Variants in GAREM1 observed in about 807,000 individuals in gnomAD.
GAREM1 encodes GRB2 associated regulator of MAPK1 subtype 1, also known as GRB2-associated and regulator of MAPK protein 1.
Under a neutral mutation model 71.3 loss-of-function variants are expected in GAREM1, and 26 were observed. That is an observed-to-expected ratio of 0.36 (90% CI 0.27 to 0.51). The LOEUF (loss-of-function observed/expected upper bound fraction) is 0.51. Among genes scored for constraint, GAREM1 ranks in the 20% least tolerant of loss-of-function variants. GAREM1 has a pLI of 0.95. For missense variants in GAREM1, 1,026 were observed against 1,103.1 expected (o/e 0.93, Z 0.99); for synonymous variants, 440 against 433.2 (o/e 1.02, Z -0.20).
intron 1 of GAREM1, among the ~76,000 whole-genome samples, chr18:32,468,240 A>G (rs1483992369): frequency 6.6e-6 from 1 of 152,218 alleles, no homozygotes; most frequent in Non-Finnish European, 1.5e-5. Flanking sequence ...CACAATTTTT[A>G]ATAGCACAAA....
At chr18:32,332,547 G>A (rs770501835) in intron 2 of GAREM1, among the ~76,000 whole-genome samples, 3 of 152,144 alleles carry the variant, frequency 2.0e-5, no homozygotes, top group Non-Finnish European at 4.4e-5. Flanking sequence ...GGAACTGTAA[G>A]TGCAGCGTGG....
intron 1 of GAREM1, among the ~76,000 whole-genome samples, chr18:32,426,804 C>T (rs1274219955): frequency 6.6e-6 from 1 of 152,188 alleles, no homozygotes; most frequent in East Asian, 1.9e-4. Context: ...ACTGTTTTAA[C>T]AATTTTCCTC....
chr18:32,470,136 G>C lies in GAREM1; in HGVS notation c.121+172C>G, dbSNP rs1481404436. 1.3e-5 allele frequency among the ~76,000 whole-genome samples: 2 copies of C among 152,086 alleles called. No individual in the cohort carries two copies. The highest frequency in any genetic ancestry group is 6.5e-5 in the Admixed American group (1 of 15,270). On this transcript the variant is annotated intron_variant, in intron 1 of 5. Transcript: ENST00000269209. The surrounding 1 kb of genome is among the most constrained non-coding windows in gnomAD (Gnocchi z 4.4). ...ATTTCCACCTCCTTGTCTGCTGCTG[G>C]GGGGAGTTGAGAGCAACGCGCCAGG...
chr18:32,434,390 C>T (rs1267784802), intron 1 of GAREM1, among the ~76,000 whole-genome samples: 1 of 151,962 alleles, frequency 6.6e-6, no homozygotes, highest in Admixed American at 6.6e-5. Flanking sequence ...CACAAGTACC[C>T]GGATCTTTAA....
chr18:32,308,596 C>G (rs930706036), intron 3 of GAREM1, among the ~76,000 whole-genome samples: 3 of 149,310 alleles, frequency 2.0e-5, no homozygotes, highest in African/African-American at 5.0e-5. Context: ...TATCAAAACA[C>G]TAATGGAATA....
Position 32,268,105 on chromosome 18 carries a change from A to C in GAREM1, c.2397T>G (p.Gly799=). Residue 799 remains glycine (G), a synonymous_variant, in exon 6 of 6, where the codon GGT becomes GGG. Coordinates refer to ENST00000269209, the MANE Select transcript of GAREM1 (RefSeq NM_001242409.2). ...GGTCAGCAGGTGGCTGCCATGGGGA[A>C]CCGTCGCCACAGGATCTGGGGGCCA... ...LQLAPRSCGD[G]SPWQPPADLS... 1 of 1,614,076 alleles carries C rather than the reference A, an allele frequency of 6.2e-7. No homozygotes were observed. Among genetic ancestry groups the C allele is most frequent in the Non-Finnish European group, 8.5e-7 (1 of 1,180,004 alleles).
chr18:32,311,587 A>C (rs146378178), intron 2 of GAREM1, among the ~76,000 whole-genome samples: 93 of 152,216 alleles, frequency 6.1e-4, no homozygotes, highest in African/African-American at 2.2e-3. Context: ...TGAGATGGTG[A>C]CCTTTGGTGT....
In GAREM1 at chr18:32,422,945, C is replaced by G. The variant is rs1251041959; in HGVS notation, c.122-29910G>C. Among the ~76,000 whole-genome samples the G allele has an allele frequency of 5.9e-5, 9 of 152,326 alleles. 1 individual carries two copies. In the South Asian group the frequency reaches 1.7e-3, roughly 28 times the overall value. On this transcript the variant is annotated intron_variant, in intron 1 of 5. Coordinates refer to ENST00000269209, the MANE Select transcript of GAREM1 (RefSeq NM_001242409.2). ...CGACAGCAAGACTAGAACTCGGCCT[C>G]CTGCTTCTTGGTCTCAAACATTATA...
intron 1 of GAREM1, among the ~76,000 whole-genome samples, chr18:32,414,703 C>A (rs927682491): frequency 6.6e-6 from 1 of 151,746 alleles, no homozygotes; most frequent in South Asian, 2.1e-4. Flanking sequence ...CTAAAACCTA[C>A]GGGATACAGC....
chr18:32,420,211 C>T (rs1568004580), intron 1 of GAREM1, among the ~76,000 whole-genome samples: 1 of 152,104 alleles, frequency 6.6e-6, no homozygotes, highest in Non-Finnish European at 1.5e-5. Flanking sequence ...AAAATTATTA[C>T]TCTATCTGTC....
chr18:32,410,960 G>A (rs534681090), intron 1 of GAREM1, among the ~76,000 whole-genome samples: 3 of 152,162 alleles, frequency 2.0e-5, no homozygotes, highest in Non-Finnish European at 4.4e-5. Flanking sequence ...GTGCCACCAC[G>A]CCCAGCTAAT....
intron 2 of GAREM1, among the ~76,000 whole-genome samples, chr18:32,363,995 C>CATATATATAGATATAT (rs2047893546): frequency 4.7e-5 from 1 of 21,330 alleles, no homozygotes; most frequent in Non-Finnish European, 8.5e-5. Flanking sequence ...TACATATATA[C>CATATATATAGATATAT]ATATATATAT....
At chr18:32,387,297 G>C (rs375403094) in intron 2 of GAREM1, among the ~76,000 whole-genome samples, 15 of 152,180 alleles carry the variant, frequency 9.9e-5, no homozygotes, top group African/African-American at 3.6e-4. Context: ...ATAAGTCAGG[G>C]TAAAAGAGTG....
Position 32,267,195 on chromosome 18 carries a change from T to G in GAREM1, c.*676A>C, listed in dbSNP as rs1235468302. The G allele has an allele frequency of 6.6e-6, 1 of 152,212 alleles. No individual in the cohort carries two copies. Among genetic ancestry groups the G allele is most frequent in the Non-Finnish European group, 1.5e-5 (1 of 68,030 alleles). The allele number at this position is 152,212 out of a possible 1,614,324, so 9.4% of individuals were successfully genotyped here. A position where few individuals can be genotyped will look rare whatever the true frequency, so the allele number is the denominator to read the frequency against. On this transcript the variant is annotated 3_prime_UTR_variant, in exon 6 of 6. Transcript: ENST00000269209. ...GTGTATGCACCTATACATGTTTATA[T>G]ATGTATATTCTTTTTTCTCTGCTCA...
chr18:32,431,403 G>A (rs1264622706), intron 1 of GAREM1, among the ~76,000 whole-genome samples: 2 of 152,178 alleles, frequency 1.3e-5, no homozygotes, highest in Non-Finnish European at 2.9e-5. Context: ...GCCGAGGCAG[G>A]CGGATCACGA....
rs138380108 is a variant in GAREM1, at chr18:32,399,646, C to G, written c.122-6611G>C. On this transcript the variant is annotated intron_variant, in intron 1 of 5. Coordinates refer to ENST00000269209, the MANE Select transcript of GAREM1 (RefSeq NM_001242409.2). ...TGAAGGACCTCTTCAAGGAGAACTA[C>G]AAACCACTGCTCAACGAAATAAAAC... 8.2e-3 allele frequency among the ~76,000 whole-genome samples: 1,243 copies of G among 152,274 alleles called. 7 individuals carry two copies. The highest frequency in any genetic ancestry group is 0.013 in the Non-Finnish European group (861 of 68,022).
chr18:32,459,775 C>T (rs933468328), intron 1 of GAREM1, among the ~76,000 whole-genome samples: 2 of 152,062 alleles, frequency 1.3e-5, no homozygotes, highest in African/African-American at 2.4e-5. Flanking sequence ...TTTATTCAAA[C>T]CAACCCTTAC....
chr18:32,468,091 G>A (rs766612976), intron 1 of GAREM1, among the ~76,000 whole-genome samples: 2 of 152,166 alleles, frequency 1.3e-5, no homozygotes, highest in African/African-American at 2.4e-5. Flanking sequence ...TGGTGTAAAC[G>A]AGGATTTCCT....
chr18:32,458,597 T>TA (rs1182115028), intron 1 of GAREM1, among the ~76,000 whole-genome samples: 2 of 151,408 alleles, frequency 1.3e-5, no homozygotes, highest in African/African-American at 4.9e-5. Flanking sequence ...AAACATCCCA[T>TA]AAAAAACTAA....
Sources: allele counts gnomAD v4.1 joint callset (sites outside exome capture counted in the v4.1 genomes callset), GRCh38; gene constraint gnomAD v4.1.1; non-coding constraint Gnocchi (gnomAD v3.1); transcripts MANE v1.5; gene names NCBI Gene and HGNC (gene_info 2026-07-23, HGNC 2026-07-21).